PVT1: variants seen among roughly 807,000 people sequenced by gnomAD.
PVT1 encodes the protein Pvt1 oncogene.
At chr8:127,835,840 C>T (rs2129706392) in intron 2 of PVT1, among the ~76,000 whole-genome samples, 1 of 152,214 alleles carries the variant, frequency 6.6e-6, no homozygotes, top group South Asian at 2.1e-4. Context: ...ACTATGCAGG[C>T]CTAAGATTGT....
rs1486264594 is a variant in PVT1, at chr8:127,922,341, G to A, written n.782+31343G>A. Among the ~76,000 whole-genome samples, 3 of 144,930 alleles carry A rather than the reference G, an allele frequency of 2.1e-5. No homozygotes were observed. In the South Asian group the frequency reaches 6.9e-4, roughly 33 times the overall value. On this transcript the variant is annotated intron_variant and non_coding_transcript_variant, in intron 3 of 10. Transcript: ENST00000651587. ...AGTCACCCCAGATCACAGCCAAATG[G>A]GTAGAGCTAGGAATCCGAAGTAGGT...
chr8:127,884,884 G>A (rs1315090769), intron 2 of PVT1, among the ~76,000 whole-genome samples: 1 of 152,246 alleles, frequency 6.6e-6, no homozygotes, highest in East Asian at 1.9e-4. Flanking sequence ...CTTGACTGCA[G>A]TAATACCCAA....
intron 5 of PVT1, among the ~76,000 whole-genome samples, chr8:128,087,815 C>T (rs1469403569): frequency 3.0e-5 from 4 of 132,664 alleles, no homozygotes; most frequent in African/African-American, 5.7e-5. Flanking sequence ...TGCAGTGGAG[C>T]AATCTCGGCT....
intron 2 of PVT1, among the ~76,000 whole-genome samples, chr8:127,883,414 T>A (rs974713070): frequency 2.0e-5 from 3 of 151,936 alleles, no homozygotes; most frequent in Non-Finnish European, 4.4e-5. Flanking sequence ...CTTCCAAATG[T>A]CTTCGGCAGG....
chr8:128,018,938 C>T (rs144918977), intron 4 of PVT1, among the ~76,000 whole-genome samples: 109 of 152,328 alleles, frequency 7.2e-4, no homozygotes, highest in African/African-American at 2.4e-3. Context: ...AGATGAGCCG[C>T]GAGGTTTGTG....
chr8:127,895,703 A>C (rs1048171108), intron 3 of PVT1, among the ~76,000 whole-genome samples: 20 of 152,172 alleles, frequency 1.3e-4, no homozygotes, highest in Admixed American at 1.0e-3. Flanking sequence ...AAAATTTAAC[A>C]TTACGTTTAG....
At chr8:127,917,620 G>A (rs143278674) in intron 3 of PVT1, among the ~76,000 whole-genome samples, 1 of 152,244 alleles carries the variant, frequency 6.6e-6, no homozygotes, top group Admixed American at 6.5e-5. Context: ...GGGCCGGTCA[G>A]CCCTCCTGTA....
intron 4 of PVT1, among the ~76,000 whole-genome samples, chr8:128,007,949 A>G (rs1817266459): frequency 6.6e-6 from 1 of 152,244 alleles, no homozygotes; most frequent in African/African-American, 2.4e-5. Context: ...ACTTGTTGAC[A>G]GTAATGCTAG....
At chr8:128,025,231 G>T (rs541276268) in intron 4 of PVT1, among the ~76,000 whole-genome samples, 61 of 152,258 alleles carry the variant, frequency 4.0e-4, no homozygotes, top group African/African-American at 1.4e-3. Flanking sequence ...ACGGAAGCAG[G>T]ATGCCTTCCG....
At chr8:128,075,682 C>T (rs764161999) in intron 5 of PVT1, among the ~76,000 whole-genome samples, 3 of 152,158 alleles carry the variant, frequency 2.0e-5, no homozygotes, top group East Asian at 3.9e-4. Context: ...CTATTGTGTA[C>T]ACCTCTGGTA....
intron 2 of PVT1, among the ~76,000 whole-genome samples, chr8:127,860,910 C>T (rs564824553): frequency 6.6e-6 from 1 of 152,114 alleles, no homozygotes; most frequent in Non-Finnish European, 1.5e-5. Flanking sequence ...TGAAGAGTGT[C>T]TTTCACATTG....
chr8:127,858,764 CT>C (rs754244900), intron 2 of PVT1, among the ~76,000 whole-genome samples: 84 of 48,560 alleles, frequency 1.7e-3, no homozygotes, highest in Non-Finnish European at 3.5e-3. Flanking sequence ...CACTTGGTTT[CT>C]TTTTTTTTCT....
chr8:128,062,279 T>C (rs1385925560), intron 4 of PVT1, among the ~76,000 whole-genome samples: 1 of 152,228 alleles, frequency 6.6e-6, no homozygotes, highest in Non-Finnish European at 1.5e-5. Context: ...AAACCTACTC[T>C]TCATTTTCAT....
intron 3 of PVT1, among the ~76,000 whole-genome samples, chr8:127,972,891 T>TA (rs1252795032): frequency 1.3e-5 from 2 of 152,184 alleles, no homozygotes; most frequent in Non-Finnish European, 1.5e-5. Flanking sequence ...AGCTGTATAT[T>TA]AAAAAAAATT....
chr8:127,800,688 A>G (rs1161965220), intron 2 of PVT1, among the ~76,000 whole-genome samples: 2 of 151,904 alleles, frequency 1.3e-5, no homozygotes, highest in Non-Finnish European at 2.9e-5. Context: ...ATTGTAACCC[A>G]TTCATTTTTC....
At chr8:127,937,580 C>CACACACACACACACACACAGAG (rs59006608) in intron 3 of PVT1, among the ~76,000 whole-genome samples, 164 of 107,824 alleles carry the variant, frequency 1.5e-3, no homozygotes, top group African/African-American at 5.8e-3. Flanking sequence ...CACACACACA[C>CACACACACACACACACACAGAG]AGAGAGAGAG....
chr8:127,848,690 AAAAC>A (rs1226644942), intron 2 of PVT1, among the ~76,000 whole-genome samples: 7 of 152,312 alleles, frequency 4.6e-5, no homozygotes, highest in East Asian at 1.9e-4. Context: ...TCTCAGATAA[AAAAC>A]AAACAAACAA....
chr8:127,985,230 C>T (rs927182492), intron 3 of PVT1, among the ~76,000 whole-genome samples: 5 of 151,728 alleles, frequency 3.3e-5, no homozygotes, highest in Non-Finnish European at 5.9e-5. Flanking sequence ...GACAGGGTTT[C>T]ACCATCTTGG....
chr8:127,902,887 C>T (rs1020243092), intron 3 of PVT1, among the ~76,000 whole-genome samples: 4 of 152,124 alleles, frequency 2.6e-5, no homozygotes, highest in African/African-American at 9.7e-5. Context: ...AATAGTGCTG[C>T]CATGAACACA....
Sources: gnomAD v4.1 joint callset for allele counts (sites outside exome capture counted in the v4.1 genomes callset) on GRCh38, gnomAD v4.1.1 for gene constraint, MANE v1.5 for transcripts, NCBI Gene and HGNC (gene_info 2026-07-23, HGNC 2026-07-21) for gene names.